The following SORCS3 variants were observed in gnomAD, a reference collection of about 807,000 sequenced individuals.
The protein encoded by SORCS3 is VPS10 domain-containing receptor SorCS3.
Under a neutral mutation model 146.3 loss-of-function variants are expected in SORCS3, and 57 were observed. The observed-to-expected ratio is 0.39, with a 90% CI of 0.31 to 0.49. SORCS3 has a LOEUF of 0.49. Ranked by LOEUF, SORCS3 falls within the 20% of genes least tolerant of loss-of-function variation. SORCS3 has a pLI of 0.92. For missense variants in SORCS3, 1,341 were observed against 1,575.5 expected (o/e 0.85, Z 2.52); for synonymous variants, 653 against 618.5 (o/e 1.06, Z -0.83).
At chr10:104,696,818 CCTG>C (rs1360190378) in intron 1 of SORCS3, among the ~76,000 whole-genome samples, 1 of 137,994 alleles carries the variant, frequency 7.2e-6, no homozygotes, top group East Asian at 2.0e-4. Flanking sequence ...GGAAGGAAAT[CCTG>C]CTATTTGTGA....
chr10:104,691,687 T>C (rs1197961089), intron 1 of SORCS3, among the ~76,000 whole-genome samples: 1 of 152,246 alleles, frequency 6.6e-6, no homozygotes, highest in Non-Finnish European at 1.5e-5. Flanking sequence ...TGTAATTGTT[T>C]ATATGTCCAT....
chr10:104,680,593 T>A (rs565954673), intron 1 of SORCS3, among the ~76,000 whole-genome samples: 11 of 152,286 alleles, frequency 7.2e-5, no homozygotes, highest in African/African-American at 2.6e-4. Context: ...AGTTTCCTTA[T>A]CTGTAAAATG....
At chr10:104,725,678 G>A (rs988738166) in intron 1 of SORCS3, among the ~76,000 whole-genome samples, 32 of 152,230 alleles carry the variant, frequency 2.1e-4, no homozygotes, top group Non-Finnish European at 1.0e-4. Flanking sequence ...GGCAATGGCG[G>A]GTGACCCTCC....
At chr10:104,791,843 G>A (rs2017498861) in intron 1 of SORCS3, among the ~76,000 whole-genome samples, 1 of 152,154 alleles carries the variant, frequency 6.6e-6, no homozygotes, top group Non-Finnish European at 1.5e-5. Flanking sequence ...AAGCAGATTA[G>A]TTATGAATGA....
At chr10:104,737,674 A>G (rs2016790790) in intron 1 of SORCS3, among the ~76,000 whole-genome samples, 2 of 152,162 alleles carry the variant, frequency 1.3e-5, no homozygotes, top group South Asian at 4.1e-4. Context: ...TCTGGATATT[A>G]GCCCTTTGTC....
At chr10:104,722,027 G>T (rs964958425) in intron 1 of SORCS3, among the ~76,000 whole-genome samples, 8 of 152,196 alleles carry the variant, frequency 5.3e-5, no homozygotes, top group Non-Finnish European at 1.0e-4. Context: ...GAATAGGAGT[G>T]ATGAGAGGGG....
chr10:105,082,713 T>C (rs1411074265), intron 5 of SORCS3, among the ~76,000 whole-genome samples: 1 of 152,176 alleles, frequency 6.6e-6, no homozygotes, highest in Non-Finnish European at 1.5e-5. Context: ...GTAGAATTCA[T>C]GATTGAGTAA....
intron 4 of SORCS3, among the ~76,000 whole-genome samples, chr10:104,987,184 C>T (rs1012102992): frequency 1.2e-4 from 18 of 148,938 alleles, no homozygotes; most frequent in Middle Eastern, 3.4e-3. Flanking sequence ...GAATGAAGGA[C>T]GGAACGAAAG....
chr10:105,003,863 A>G (rs2055076557), intron 4 of SORCS3, among the ~76,000 whole-genome samples: 1 of 152,180 alleles, frequency 6.6e-6, no homozygotes, highest in African/African-American at 2.4e-5. Context: ...CTGTCTTCAG[A>G]CAGGCTATGC....
At chr10:105,097,832 T>C (rs532244832) in intron 6 of SORCS3, among the ~76,000 whole-genome samples, 1 of 152,294 alleles carries the variant, frequency 6.6e-6, no homozygotes, top group Admixed American at 6.5e-5. Context: ...AAGTATGGTG[T>C]CCCATGGGGC....
intron 1 of SORCS3, among the ~76,000 whole-genome samples, chr10:104,746,363 C>T (rs1427502148): frequency 6.6e-6 from 1 of 152,144 alleles, no homozygotes; most frequent in African/African-American, 2.4e-5. Flanking sequence ...GTCTCGATCT[C>T]CTGACCTCGT....
chr10:105,262,613 G>A (rs972374366), intron 26 of SORCS3, 122 bp downstream of exon 26: 41 of 1,026,344 alleles, frequency 4.0e-5, no homozygotes, highest in Non-Finnish European at 5.3e-5. Flanking sequence ...TACAGTGACA[G>A]AATCATGTTT....
At chr10:105,235,484 G>A (rs1260979084) in intron 20 of SORCS3, among the ~76,000 whole-genome samples, 1 of 148,978 alleles carries the variant, frequency 6.7e-6, no homozygotes, top group East Asian at 2.0e-4. Context: ...TGAAAACTCT[G>A]GTTTTTTTTT....
intron 2 of SORCS3, among the ~76,000 whole-genome samples, chr10:104,897,024 T>C (rs147047294): frequency 2.6e-5 from 4 of 152,338 alleles, no homozygotes; most frequent in Non-Finnish European, 4.4e-5. Context: ...GACTATAGCA[T>C]GCTGGGCTCA....
At chr10:104,672,355 C>G (rs2015865097) in intron 1 of SORCS3, among the ~76,000 whole-genome samples, 1 of 152,008 alleles carries the variant, frequency 6.6e-6, no homozygotes, top group Non-Finnish European at 1.5e-5. Context: ...TGAGTCTTCT[C>G]TCTTTTTTTC....
chr10:104,908,094 C>A (rs2018927411), intron 2 of SORCS3, among the ~76,000 whole-genome samples: 1 of 152,224 alleles, frequency 6.6e-6, no homozygotes, highest in Admixed American at 6.5e-5. Flanking sequence ...TGGTTCACCA[C>A]ACACCAGAGC....
In SORCS3 at chr10:104,732,633, C is replaced by T. The variant is rs914290221; in HGVS notation, c.627+90679C>T. Among the ~76,000 whole-genome samples the T allele has an allele frequency of 4.6e-5, 7 of 152,146 alleles. No homozygotes were observed. The East Asian group carries it at 1.2e-3, about 25-fold the overall frequency. ...TGGGATGAGCCTCTGCTCTTGCACG[C>T]GTGCATGCTGCTGCTGCTGTTTAAA... is the stretch of plus-strand genomic sequence containing the variant. On this transcript the variant is annotated intron_variant, in intron 1 of 26. Coordinates refer to ENST00000369701, the MANE Select transcript of SORCS3 (RefSeq NM_014978.3).
At chr10:105,007,742 A>G (rs778854585) in intron 4 of SORCS3, among the ~76,000 whole-genome samples, 2 of 152,012 alleles carry the variant, frequency 1.3e-5, no homozygotes, top group Non-Finnish European at 2.9e-5. Context: ...TTGGTTAGTT[A>G]GTTATAGGAG....
chr10:105,045,651 C>T (rs1023563653), intron 5 of SORCS3, among the ~76,000 whole-genome samples: 8 of 152,020 alleles, frequency 5.3e-5, no homozygotes, highest in Non-Finnish European at 1.0e-4. Flanking sequence ...TGAGAAAAGA[C>T]AAAATATGCA....
Sources: gnomAD v4.1 joint callset for allele counts (sites outside exome capture counted in the v4.1 genomes callset) on GRCh38, gnomAD v4.1.1 for gene constraint, MANE v1.5 for transcripts, NCBI Gene and HGNC (gene_info 2026-07-23, HGNC 2026-07-21) for gene names.